SH3GL3: variants seen among roughly 807,000 people sequenced by gnomAD.
The protein encoded by SH3GL3 is endophilin-A3.
SH3GL3 carries 33 observed loss-of-function variants against 47.7 expected under a neutral mutation model. The observed-to-expected ratio is 0.69, with a 90% confidence interval of 0.52 to 0.92. SH3GL3 has a LOEUF of 0.92. SH3GL3 is among the 40% of genes least tolerant of loss of function. The pLI is 0.00. For missense variants in SH3GL3, 363 were observed against 417.8 expected (o/e 0.87, Z 1.14); for synonymous variants, 155 against 148.8 (o/e 1.04, Z -0.30).
At chr15:83,598,530 C>T (rs1410897677) in intron 8 of SH3GL3, among the ~76,000 whole-genome samples, 2 of 152,204 alleles carry the variant, frequency 1.3e-5, no homozygotes, top group Non-Finnish European at 2.9e-5. Context: ...AGGAAGGCTG[C>T]AGTCCTGTAC....
chr15:83,611,975 G>A (rs1478427729), intron 8 of SH3GL3, among the ~76,000 whole-genome samples: 9 of 141,266 alleles, frequency 6.4e-5, no homozygotes, highest in South Asian at 5.6e-4. Context: ...GACCAATGGC[G>A]GAAACAACTT....
At chr15:83,546,335 C>T (rs539116967) in intron 1 of SH3GL3, among the ~76,000 whole-genome samples, 2 of 152,044 alleles carry the variant, frequency 1.3e-5, no homozygotes, top group African/African-American at 2.4e-5. Context: ...GCAACTATAG[C>T]TTGGCTACTG....
chr15:83,527,455 A>C (rs905133648), intron 1 of SH3GL3, among the ~76,000 whole-genome samples: 1 of 152,098 alleles, frequency 6.6e-6, no homozygotes, highest in African/African-American at 2.4e-5. Flanking sequence ...TCCCCTTATC[A>C]TTATATAATG....
chr15:83,596,335 T>C (rs1596326764), intron 8 of SH3GL3, among the ~76,000 whole-genome samples: 1 of 152,240 alleles, frequency 6.6e-6, no homozygotes, highest in South Asian at 2.1e-4. Flanking sequence ...TTGAAAAGAA[T>C]GTGTATTCTA....
At chr15:83,488,033 G>A (rs563796800) in intron 1 of SH3GL3, 1 of 151,988 alleles carries the variant, frequency 6.6e-6, no homozygotes, top group South Asian at 2.1e-4. Context: ...ATGCCACCAA[G>A]CCCGTCTAAT....
intron 1 of SH3GL3, among the ~76,000 whole-genome samples, chr15:83,504,793 T>C (rs1161911868): frequency 2.0e-5 from 3 of 152,202 alleles, no homozygotes; most frequent in East Asian, 3.8e-4. Flanking sequence ...TCTCAGAAAC[T>C]GCGTGAGATA....
At chr15:83,484,689 T>C (rs2041514928) in intron 1 of SH3GL3, among the ~76,000 whole-genome samples, 1 of 152,218 alleles carries the variant, frequency 6.6e-6, no homozygotes, top group Non-Finnish European at 1.5e-5. Context: ...AGTGATTTTC[T>C]TTTGTGTCTC....
At chr15:83,490,523 T>G (rs1477900333) in intron 1 of SH3GL3, among the ~76,000 whole-genome samples, 2 of 152,180 alleles carry the variant, frequency 1.3e-5, no homozygotes, top group African/African-American at 4.8e-5. Context: ...CAGAGGGTGC[T>G]CTGAAGACAA....
intron 8 of SH3GL3, among the ~76,000 whole-genome samples, chr15:83,610,033 C>A (rs1462328955): frequency 2.6e-5 from 4 of 152,200 alleles, no homozygotes; most frequent in Admixed American, 2.6e-4. Flanking sequence ...AGACTAAGTG[C>A]CTGGAAGTTA....
chr15:83,453,361 G>T, intron 1 of SH3GL3, among the ~76,000 whole-genome samples: 1 of 70,152 alleles, frequency 1.4e-5, no homozygotes. Context: ...TCTATTGATT[G>T]GAATAGTTTC....
intron 8 of SH3GL3, among the ~76,000 whole-genome samples, chr15:83,598,952 T>TA (rs2060307202): frequency 6.6e-6 from 1 of 152,260 alleles, no homozygotes; most frequent in South Asian, 2.1e-4. Context: ...GTTATTTGAA[T>TA]AAAATTGATT....
the SH3GL3 span, among the ~76,000 whole-genome samples, chr15:83,630,436 A>G: frequency 6.6e-6 from 1 of 152,182 alleles, no homozygotes; most frequent in Non-Finnish European, 1.5e-5. Context: ...CTGTGACTGT[A>G]TTAGTCTGTT....
At chr15:83,612,063 GA>G (rs199791214) in intron 8 of SH3GL3, among the ~76,000 whole-genome samples, 2 of 132,270 alleles carry the variant, frequency 1.5e-5, no homozygotes, top group Non-Finnish European at 3.3e-5. Context: ...TCTAATGGTG[GA>G]AAAAAGCATA....
rs1469935947 is a variant in SH3GL3, at chr15:83,465,945, A to G, written c.45+18367A>G. Among the ~76,000 whole-genome samples, 3 of 152,284 alleles carry G rather than the reference A, an allele frequency of 2.0e-5. No homozygotes were observed. In the East Asian group the frequency reaches 5.8e-4, roughly 29 times the overall value. On this transcript the variant is annotated intron_variant, in intron 1 of 8. Transcript: ENST00000427482. ...AACTATTGTACATATCACAACTAGG[A>G]TGTTTATGTTGATACAGTCAGGATA...
At chr15:83,516,239 A>T (rs1229721273) in intron 1 of SH3GL3, among the ~76,000 whole-genome samples, 1 of 152,148 alleles carries the variant, frequency 6.6e-6, no homozygotes, top group Non-Finnish European at 1.5e-5. Context: ...TTATAAAGTG[A>T]ACACTAATGT....
intron 1 of SH3GL3, among the ~76,000 whole-genome samples, chr15:83,473,376 G>T (rs998421951): frequency 1.3e-5 from 2 of 151,934 alleles, no homozygotes; most frequent in African/African-American, 4.8e-5. Flanking sequence ...ATCCTTTGCT[G>T]GTGTGGATAA....
Position 83,447,609 on chromosome 15 carries a change from G to A in SH3GL3, c.45+31G>A, listed in dbSNP as rs1221316988. 1.4e-6 allele frequency: 2 copies of A among 1,451,694 alleles called. No homozygotes were observed. The highest frequency in any genetic ancestry group is 9.2e-7 in the Non-Finnish European group (1 of 1,083,694). The allele number at this position is 1,451,694 out of a possible 1,614,324, so 89.9% of individuals were successfully genotyped here. Reference sequence around the variant, plus strand: ...GAGGCGCAGAGGAGGGAAGGAGGGAGGGGGACGCGGAGGCTGCGGCCCCCC... The same window carrying A: ...GAGGCGCAGAGGAGGGAAGGAGGGAAGGGGACGCGGAGGCTGCGGCCCCCC... On this transcript the variant is annotated intron_variant, in intron 1 of 8. Coordinates refer to ENST00000427482, the MANE Select transcript of SH3GL3 (RefSeq NM_003027.5). The surrounding 1 kb of genome is among the most constrained non-coding windows in gnomAD (Gnocchi z 5.1).
At chr15:83,587,252 A>G (rs2059979717) in intron 7 of SH3GL3, among the ~76,000 whole-genome samples, 166 bp downstream of exon 7, 1 of 152,184 alleles carries the variant, frequency 6.6e-6, no homozygotes, top group South Asian at 2.1e-4. Flanking sequence ...GGACTGAGAT[A>G]ATAAGTACTG....
At chr15:83,615,610 C>A (rs969863181) in intron 8 of SH3GL3, among the ~76,000 whole-genome samples, 1 of 152,086 alleles carries the variant, frequency 6.6e-6, no homozygotes, top group East Asian at 1.9e-4. Context: ...CCACACCCGG[C>A]CTGTTAACAT....
Sources: gnomAD v4.1 joint callset for allele counts (sites outside exome capture counted in the v4.1 genomes callset) on GRCh38, gnomAD v4.1.1 for gene constraint, Gnocchi (gnomAD v3.1) non-coding constraint, MANE v1.5 for transcripts, NCBI Gene and HGNC (gene_info 2026-07-23, HGNC 2026-07-21) for gene names.